IGF2BP1: variants seen among roughly 807,000 people sequenced by gnomAD.
IGF2BP1 encodes insulin-like growth factor 2 mRNA-binding protein 1.
A neutral mutation model predicts 74.9 loss-of-function variants in IGF2BP1; 11 were observed. That is an observed-to-expected ratio of 0.15 (90% CI 0.09 to 0.24). IGF2BP1 has a LOEUF of 0.24. IGF2BP1 is among the 10% of genes least tolerant of loss of function. The pLI, the probability that IGF2BP1 is intolerant of heterozygous loss-of-function variation, is 1.00. For synonymous variants in IGF2BP1, 287 were observed against 281.8 expected (o/e 1.02, Z -0.18); for missense variants, 440 against 757.4 (o/e 0.58, Z 4.92).
chr17:49,055,876 T>C lies in IGF2BP1; in HGVS notation c.*6432T>C, dbSNP rs1197095902. ...TTTTTTTTAAATATGAGTGCTAGCT[T>C]ATTCTGTAATTGCGGCAACTTTGAA... On this transcript the variant is annotated 3_prime_UTR_variant, in exon 15 of 15. Transcript: ENST00000290341. 6.7e-6 allele frequency among the ~76,000 whole-genome samples: 1 copy of C among 150,286 alleles called. No individual in the cohort carries two copies. Among genetic ancestry groups the C allele is most frequent in the Non-Finnish European group, 1.5e-5 (1 of 67,814 alleles).
At chr17:49,012,060 C>T (rs2041626214) in intron 2 of IGF2BP1, among the ~76,000 whole-genome samples, 1 of 152,078 alleles carries the variant, frequency 6.6e-6, no homozygotes, top group Admixed American at 6.6e-5. Flanking sequence ...CATGTGCCAC[C>T]ACACCTGGCA....
rs975973071 is a variant in IGF2BP1 at position 49,039,334 on chromosome 17, A to G, written c.684-623A>G. 5.3e-5 allele frequency among the ~76,000 whole-genome samples: 8 copies of G among 152,284 alleles called. No individual in the cohort carries two copies. The East Asian group carries it at 1.3e-3, about 26-fold the overall frequency. The stretch of plus-strand genomic sequence containing the variant: ...GGGGACATACGGAATTCAAGCGGAA[A>G]TGCAGCTTTGGAGCTGTGGGCTGGT... On this transcript the variant is annotated intron_variant, in intron 6 of 14. Transcript: ENST00000290341.
intron 2 of IGF2BP1, among the ~76,000 whole-genome samples, chr17:49,011,148 A>C (rs2041613598): frequency 2.9e-5 from 4 of 136,720 alleles, no homozygotes; most frequent in Non-Finnish European, 4.7e-5. Context: ...AAAAAAAAAA[A>C]AAAAAAAAAA....
At chr17:49,023,920 CT>C (rs34560426) in intron 2 of IGF2BP1, among the ~76,000 whole-genome samples, 1,425 of 138,304 alleles carry the variant, frequency 0.01, 10 homozygotes, top group East Asian at 0.048. Context: ...GGAAAACTAC[CT>C]TTTTTTTTTT....
At chr17:49,041,322 T>C in intron 7 of IGF2BP1, 56 bp from the exon 8 acceptor site, 3 of 1,603,562 alleles carry the variant, frequency 1.9e-6, no homozygotes, top group Non-Finnish European at 2.6e-6. Flanking sequence ...TGAGTCTTCA[T>C]GAAGCCCACA....
chr17:49,039,578 C>T (rs2042027330), intron 6 of IGF2BP1, among the ~76,000 whole-genome samples: 1 of 152,132 alleles, frequency 6.6e-6, no homozygotes, highest in South Asian at 2.1e-4. Flanking sequence ...GTGTGCACCA[C>T]CACACCCAGC....
intron 5 of IGF2BP1, among the ~76,000 whole-genome samples, chr17:49,035,415 A>G (rs2041974645): frequency 6.6e-6 from 1 of 152,240 alleles, no homozygotes; most frequent in African/African-American, 2.4e-5. Flanking sequence ...TTCCTGCTTC[A>G]TATAGCTAGT....
At chr17:49,022,577 T>C (rs1345247812) in intron 2 of IGF2BP1, among the ~76,000 whole-genome samples, 1 of 152,122 alleles carries the variant, frequency 6.6e-6, no homozygotes, top group East Asian at 1.9e-4. Context: ...GGATGTCTTT[T>C]CTTTCATTGG....
intron 2 of IGF2BP1, among the ~76,000 whole-genome samples, chr17:49,005,720 T>C (rs2041544374): frequency 1.3e-5 from 2 of 152,174 alleles, no homozygotes; most frequent in Non-Finnish European, 2.9e-5. Context: ...TAAGGAGAAC[T>C]TCAAATTTTT....
intron 8 of IGF2BP1, among the ~76,000 whole-genome samples, 174 bp from the exon 9 acceptor site, chr17:49,042,068 G>A (rs992796440): frequency 6.6e-6 from 1 of 152,184 alleles, no homozygotes; most frequent in Non-Finnish European, 1.5e-5. Flanking sequence ...CTTACCCCCT[G>A]CCCTGGTTAC....
intron 2 of IGF2BP1, 33 bp downstream of exon 2, chr17:48,999,202 GGGCCGCGGGGGTGTGCT>G: frequency 1.7e-6 from 1 of 573,918 alleles, no homozygotes; most frequent in Non-Finnish European, 3.2e-6. Context: ...GGGGGTGGGG[GGGCCGCGGGGGTGTGCT>G]GTGAAGCTGT....
intron 2 of IGF2BP1, among the ~76,000 whole-genome samples, chr17:49,017,342 G>A (rs1031262638): frequency 6.6e-6 from 1 of 152,116 alleles, no homozygotes; most frequent in African/African-American, 2.4e-5. Context: ...TCAAAGCAGG[G>A]ACCATGCCTA....
At chr17:49,030,597 C>T (rs1434719430) in intron 4 of IGF2BP1, among the ~76,000 whole-genome samples, 2 of 151,504 alleles carry the variant, frequency 1.3e-5, no homozygotes, top group Admixed American at 6.6e-5. Flanking sequence ...TCTCATTCAG[C>T]GTGTGTTGAT....
intron 14 of IGF2BP1, among the ~76,000 whole-genome samples, chr17:49,047,170 C>T (rs2042116073): frequency 6.6e-6 from 1 of 152,064 alleles, no homozygotes. Context: ...TTCCAGTGCC[C>T]ATATAGTATA....
rs2042100816 is a variant in IGF2BP1, at chr17:49,045,636, C to A, written c.1396-254C>A. ...AGATTCCTCTGGGAACTATTTTTTC[C>A]CTTGGGAAGTGTTTATTCAATTACT... is the stretch of plus-strand genomic sequence containing the variant. On this transcript the variant is annotated intron_variant, in intron 12 of 14. Transcript: ENST00000290341. Among the ~76,000 whole-genome samples the A allele has an allele frequency of 2.0e-5, 3 of 152,018 alleles. No homozygotes were observed. In the South Asian group the frequency reaches 6.2e-4, roughly 31 times the overall value.
chr17:49,025,927 C>G (rs2041848565), intron 3 of IGF2BP1, among the ~76,000 whole-genome samples: 1 of 148,618 alleles, frequency 6.7e-6, no homozygotes, highest in Non-Finnish European at 1.5e-5. Context: ...GCGATCTCGA[C>G]TCACTGCATC....
intron 11 of IGF2BP1, among the ~76,000 whole-genome samples, chr17:49,044,389 A>T (rs1448734029): frequency 6.6e-6 from 1 of 152,116 alleles, no homozygotes; most frequent in East Asian, 1.9e-4. Context: ...CCCTTCCCCC[A>T]ATACACTATA....
At chr17:49,046,461 C>A in intron 14 of IGF2BP1, 88 bp downstream of exon 14, 1 of 980,084 alleles carries the variant, frequency 1.0e-6, no homozygotes, top group Non-Finnish European at 1.6e-6. Context: ...ACCTTCATGA[C>A]GTTGACAAGT....
chr17:49,038,591 T>A, intron 6 of IGF2BP1, 142 bp downstream of exon 6: 1 of 850,190 alleles, frequency 1.2e-6, no homozygotes, highest in Non-Finnish European at 1.6e-6. Flanking sequence ...GGTCCCTGCT[T>A]CCAATACCAG....
Sources: gnomAD v4.1 joint callset for allele counts (sites outside exome capture counted in the v4.1 genomes callset) on GRCh38, gnomAD v4.1.1 for gene constraint, MANE v1.5 for transcripts, NCBI Gene and HGNC (gene_info 2026-07-23, HGNC 2026-07-21) for gene names.